The following MAP3K20 variants were observed in gnomAD, a reference collection of about 807,000 sequenced individuals.
MAP3K20 encodes mitogen-activated protein kinase kinase kinase 20.
In MAP3K20, 40 loss-of-function variants were observed where a neutral mutation model predicts 85.7. That is an observed-to-expected ratio of 0.47 (90% CI 0.36 to 0.61). MAP3K20 has a LOEUF of 0.61. Ranked by LOEUF, MAP3K20 falls within the 20% of genes least tolerant of loss-of-function variation. MAP3K20 has a pLI of 0.00. For missense variants in MAP3K20, 817 were observed against 961.7 expected (o/e 0.85, Z 1.99); for synonymous variants, 325 against 327.7 (o/e 0.99, Z 0.09).
intron 10 of MAP3K20, among the ~76,000 whole-genome samples, chr2:173,214,068 C>G (rs950757301): frequency 6.6e-6 from 1 of 152,134 alleles, no homozygotes; most frequent in Admixed American, 6.5e-5. Context: ...TGATTATTTT[C>G]TGGCAGAGCT....
chr2:173,133,703 G>T (rs7604288), intron 2 of MAP3K20, among the ~76,000 whole-genome samples: 112,833 of 151,850 alleles, frequency 0.74, 42,483 homozygotes, highest in Non-Finnish European at 0.79. Context: ...GGGTAGATCC[G>T]AGGCTCCTGT....
chr2:173,178,270 G>T (rs1690223523), intron 3 of MAP3K20, among the ~76,000 whole-genome samples: 1 of 152,194 alleles, frequency 6.6e-6, no homozygotes, highest in Admixed American at 6.5e-5. Context: ...CAATAAATTA[G>T]ATAATTTAGA....
At chr2:173,193,162 A>G (rs1020988768) in intron 7 of MAP3K20, 8 of 152,200 alleles carry the variant, frequency 5.3e-5, no homozygotes, top group African/African-American at 1.9e-4. Context: ...TTTAATGTGC[A>G]TGTGTATATA....
chr2:173,170,328 A>T (rs1316043488), intron 3 of MAP3K20, among the ~76,000 whole-genome samples: 1 of 152,224 alleles, frequency 6.6e-6, no homozygotes, highest in Non-Finnish European at 1.5e-5. Context: ...CATAAGAACA[A>T]TATTTTTCAG....
chr2:173,180,646 A>C (rs2106262968), intron 3 of MAP3K20, among the ~76,000 whole-genome samples: 1 of 152,278 alleles, frequency 6.6e-6, no homozygotes, highest in African/African-American at 2.4e-5. Flanking sequence ...ACTGCACTCA[A>C]GCCTGGGCAA....
intron 1 of MAP3K20, among the ~76,000 whole-genome samples, chr2:173,089,788 G>A (rs2106145922): frequency 6.6e-6 from 1 of 152,200 alleles, no homozygotes; most frequent in South Asian, 2.1e-4. Flanking sequence ...GGCCAGGCTG[G>A]TCTCGAACTC....
chr2:173,140,827 TAC>T (rs35068399), intron 2 of MAP3K20, among the ~76,000 whole-genome samples: 7 of 151,384 alleles, frequency 4.6e-5, no homozygotes, highest in Admixed American at 6.6e-5. Context: ...ACTAAACATA[TAC>T]ACACACACAC....
At chr2:173,117,487 C>A (rs1688158217) in intron 2 of MAP3K20, among the ~76,000 whole-genome samples, 1 of 151,962 alleles carries the variant, frequency 6.6e-6, no homozygotes, top group African/African-American at 2.4e-5. Context: ...CTTATGTTGC[C>A]CAGGCTGGTC....
intron 18 of MAP3K20, among the ~76,000 whole-genome samples, chr2:173,262,412 C>T (rs1171417254): frequency 1.3e-5 from 2 of 152,024 alleles, no homozygotes; most frequent in East Asian, 3.9e-4. Flanking sequence ...CTAGCCTGGC[C>T]AACATGGTAA....
intron 2 of MAP3K20, among the ~76,000 whole-genome samples, chr2:173,138,232 G>A (rs952443308): frequency 2.0e-5 from 3 of 152,158 alleles, no homozygotes; most frequent in African/African-American, 2.4e-5. Flanking sequence ...GCCTCCCAAA[G>A]TGCTGGGATT....
intron 16 of MAP3K20, among the ~76,000 whole-genome samples, chr2:173,247,158 G>A (rs1238059858): frequency 1.3e-5 from 2 of 152,132 alleles, no homozygotes; most frequent in Non-Finnish European, 2.9e-5. Context: ...CAATAGTTCT[G>A]CTTTTCCAGC....
At chr2:173,106,619 A>G (rs1220701064) in intron 2 of MAP3K20, among the ~76,000 whole-genome samples, 7 of 152,202 alleles carry the variant, frequency 4.6e-5, no homozygotes, top group African/African-American at 9.6e-5. Flanking sequence ...GGATTTCTTC[A>G]GGGTTGTGGT....
At chr2:173,249,438 A>C (rs892671036) in intron 16 of MAP3K20, among the ~76,000 whole-genome samples, 2 of 152,348 alleles carry the variant, frequency 1.3e-5, no homozygotes, top group Admixed American at 6.5e-5. Flanking sequence ...TTAGGATTTG[A>C]ATCGATAATA....
chr2:173,184,970 G>A (rs1028164373), intron 4 of MAP3K20, among the ~76,000 whole-genome samples: 4 of 151,640 alleles, frequency 2.6e-5, no homozygotes, highest in African/African-American at 7.3e-5. Flanking sequence ...GGCCAGGCAC[G>A]GTGGCTCACG....
intron 2 of MAP3K20, among the ~76,000 whole-genome samples, chr2:173,152,230 A>G (rs755009660): frequency 3.9e-5 from 6 of 152,224 alleles, no homozygotes; most frequent in Non-Finnish European, 7.3e-5. Flanking sequence ...GTAGATTGGT[A>G]TATTGCATCA....
intron 15 of MAP3K20, 92 bp from the exon 16 acceptor site, chr2:173,239,309 GAAA>G (rs78752850): frequency 1.2e-5 from 10 of 802,010 alleles, no homozygotes; most frequent in South Asian, 5.2e-5. Context: ...GATTAGAATA[GAAA>G]AAAAAAAAAA....
At chr2:173,161,984 CAT>C (rs1689672513) in intron 2 of MAP3K20, among the ~76,000 whole-genome samples, 1 of 152,078 alleles carries the variant, frequency 6.6e-6, no homozygotes, top group South Asian at 2.1e-4. Context: ...ATTTCGTAGT[CAT>C]ATGTTCTTAT....
intron 11 of MAP3K20, among the ~76,000 whole-genome samples, chr2:173,218,827 A>G (rs1187399935): frequency 6.6e-6 from 1 of 152,186 alleles, no homozygotes; most frequent in Non-Finnish European, 1.5e-5. Context: ...TATTGCTCTT[A>G]GTAACATAGT....
chr2:173,220,063 GTC>G (rs1409152617), intron 11 of MAP3K20, among the ~76,000 whole-genome samples: 11 of 41,734 alleles, frequency 2.6e-4, no homozygotes, highest in South Asian at 6.4e-4. Flanking sequence ...GCTAGACTCT[GTC>G]TCAAAAAAAA....
Sources: allele counts gnomAD v4.1 joint callset (sites outside exome capture counted in the v4.1 genomes callset), GRCh38; gene constraint gnomAD v4.1.1; transcripts MANE v1.5; gene names NCBI Gene and HGNC (gene_info 2026-07-23, HGNC 2026-07-21).